CDC40: variants seen among roughly 807,000 people sequenced by gnomAD.
CDC40 encodes the protein cell division cycle 40, also known as pre-mRNA-processing factor 17.
A neutral mutation model predicts 80.6 loss-of-function variants in CDC40; 27 were observed. That is an observed-to-expected ratio of 0.33 (90% confidence interval 0.25 to 0.46). The LOEUF is 0.46. Among genes scored for constraint, CDC40 ranks in the 20% least tolerant of loss-of-function variants. The pLI, the probability that CDC40 is intolerant of heterozygous loss-of-function variation, is 1.00. For synonymous variants in CDC40, 221 were observed against 232.6 expected, an observed-to-expected ratio of 0.95 and a Z score of 0.45; for missense variants, 486 against 694.1, an observed-to-expected ratio of 0.70 and a Z score of 3.37.
At chr6:110,199,210 A>G (rs1258398917) in intron 2 of CDC40, among the ~76,000 whole-genome samples, 1 of 152,196 alleles carries the variant, frequency 6.6e-6, no homozygotes, top group Non-Finnish European at 1.5e-5. Context: ...CTTTCGGTAT[A>G]GTACCTTATA....
At chr6:110,181,166 A>T (rs1777183949) in intron 1 of CDC40, among the ~76,000 whole-genome samples, 1 of 152,268 alleles carries the variant, frequency 6.6e-6, no homozygotes, top group Non-Finnish European at 1.5e-5. Context: ...CAAATAAAGC[A>T]TATAGCACAG....
intron 9 of CDC40, among the ~76,000 whole-genome samples, chr6:110,215,536 A>T (rs560585684): frequency 6.6e-6 from 1 of 152,358 alleles, no homozygotes; most frequent in African/African-American, 2.4e-5. Context: ...AAATGGTGTG[A>T]GACAGCGTGC....
intron 14 of CDC40, 94 bp from the exon 15 acceptor site, chr6:110,229,860 A>T (rs1554209224): frequency 8.4e-6 from 6 of 713,826 alleles, no homozygotes; most frequent in Admixed American, 5.5e-5. Flanking sequence ...TTTTTTTTTA[A>T]TGTTAACGTG....
Position 110,230,862 on chromosome 6 carries a change from A to T in CDC40, c.*731A>T, listed in dbSNP as rs1355353224. The T allele has an allele frequency of 6.6e-6, 1 of 152,236 alleles. No individual in the cohort carries two copies. Among genetic ancestry groups the T allele is most frequent in the East Asian group, 1.9e-4 (1 of 5,194 alleles). The allele number at this position is 152,236 out of a possible 1,614,324, so 9.4% of individuals were successfully genotyped here. On this transcript the variant is annotated 3_prime_UTR_variant, in exon 15 of 15. Transcript: ENST00000307731. ...AGAATGCACCAAGACTTTGAATTGT[A>T]TTTACATTCACTGTCAGTAAAGACC...
chr6:110,185,933 T>C (rs1777263533), intron 1 of CDC40, among the ~76,000 whole-genome samples: 1 of 152,234 alleles, frequency 6.6e-6, no homozygotes, highest in Non-Finnish European at 1.5e-5. Context: ...TTTTAAGTCA[T>C]GCAGTCAGTT....
intron 2 of CDC40, among the ~76,000 whole-genome samples, chr6:110,193,856 G>A (rs975589883): frequency 1.7e-4 from 26 of 152,174 alleles, no homozygotes; most frequent in African/African-American, 4.8e-5. Context: ...TCTTAAATAT[G>A]AACTTAGTTG....
chr6:110,228,876 T>G lies in CDC40; in HGVS notation c.1462T>G (p.Phe488Val), dbSNP rs566883621. ...ATCAATGGACAACCAAATCTTAATT[T>G]TTGGAGCACAGAACAGATTTAGATT... ...CQSMDNQILI[F>V]GAQNRFRLNK... The change falls in exon 14 of 15, where the codon TTT becomes GTT. Residue 488 changes from phenylalanine to valine, a missense_variant. Phe to Val is a conservative substitution (Grantham distance 50). Around this residue, in one of 3 missense-constraint regions of CDC40, gnomAD observed 88 missense variants for 138.7 expected, o/e 0.63. Coordinates refer to ENST00000307731, the MANE Select transcript of CDC40 (RefSeq NM_015891.3). 1 of 1,600,096 alleles carries G rather than the reference T, an allele frequency of 6.2e-7. No individual in the cohort carries two copies. Among genetic ancestry groups the G allele is most frequent in the Non-Finnish European group, 8.5e-7 (1 of 1,175,980 alleles).
intron 6 of CDC40, 148 bp downstream of exon 6, chr6:110,210,951 G>C: frequency 2.9e-6 from 1 of 340,116 alleles, no homozygotes; most frequent in Non-Finnish European, 5.5e-6. Flanking sequence ...TGTATCCCAA[G>C]GAAATTACAG....
In CDC40 at chr6:110,180,470, C is replaced by T. The variant is rs1381535679; in HGVS notation, c.26C>T (p.Ala9Val). 1 of 1,614,180 alleles carries T rather than the reference C, an allele frequency of 6.2e-7. No homozygotes were observed. The highest frequency in any genetic ancestry group is 8.5e-7 in the Non-Finnish European group (1 of 1,180,024). Residue 9 changes from alanine (A) to valine (V), a missense_variant, in exon 1 of 15, where the codon GCC becomes GTC. Physicochemically the swap from Ala to Val is moderately conservative, Grantham distance 64. Transcript: ENST00000307731. MSAAIAAL[A>V]ASYGSGSGSE... ...ATGTCGGCTGCGATTGCAGCTCTGG[C>T]CGCTTCCTATGGTTCGGGTTCAGGG...
At chr6:110,186,777 TTTTTA>T (rs1469353561) in intron 1 of CDC40, among the ~76,000 whole-genome samples, 1 of 150,116 alleles carries the variant, frequency 6.7e-6, no homozygotes, top group African/African-American at 2.5e-5. Flanking sequence ...TGTAGATTTC[TTTTTA>T]TTTTTTCTGT....
Position 110,180,645 on chromosome 6 carries a change from T to C in CDC40, c.189+12T>C, listed in dbSNP as rs983359173. The C allele has an allele frequency of 2.5e-6, 4 of 1,595,836 alleles. No homozygotes were observed. The highest frequency in any genetic ancestry group is 2.2e-5 in the South Asian group (2 of 90,588). ...AGGTGGCAGTTAAGGTAAGCACTTT[T>C]GCTACTAATGCAGTGTGGGAATTGT... On this transcript the variant is annotated intron_variant, in intron 1 of 14. Transcript: ENST00000307731.
At chr6:110,212,513 G>A (rs538215137) in intron 7 of CDC40, among the ~76,000 whole-genome samples, 1 of 152,246 alleles carries the variant, frequency 6.6e-6, no homozygotes, top group South Asian at 2.1e-4. Flanking sequence ...CTGTATCCTT[G>A]TAGCCAGGCC....
chr6:110,228,332 G>A (rs1777891703), intron 13 of CDC40, among the ~76,000 whole-genome samples: 1 of 152,096 alleles, frequency 6.6e-6, no homozygotes, highest in South Asian at 2.1e-4. Context: ...CCTAAGTAGA[G>A]AAAAGCATTG....
intron 8 of CDC40, 60 bp from the exon 9 acceptor site, chr6:110,215,226 T>C (rs1448825623): frequency 2.2e-6 from 3 of 1,353,112 alleles, no homozygotes; most frequent in African/African-American, 2.9e-5. Context: ...GCTGTTGTTA[T>C]TAATTGAAGG....
At chr6:110,228,559 A>G (rs1446374550) in intron 13 of CDC40, among the ~76,000 whole-genome samples, 1 of 151,944 alleles carries the variant, frequency 6.6e-6, no homozygotes, top group African/African-American at 2.4e-5. Flanking sequence ...TAAGCTTGGA[A>G]TTTCTATATT....
At chr6:110,213,247 G>A in intron 8 of CDC40, 87 bp downstream of exon 8, 1 of 873,566 alleles carries the variant, frequency 1.1e-6, no homozygotes, top group South Asian at 1.4e-5. Flanking sequence ...ATTTGGGTTT[G>A]TTAGGCAATT....
chr6:110,188,153 C>T (rs181369857), intron 1 of CDC40, among the ~76,000 whole-genome samples: 1 of 152,246 alleles, frequency 6.6e-6, no homozygotes, highest in African/African-American at 2.4e-5. Context: ...TCATGATACT[C>T]TTCAAAATAA....
At chr6:110,194,339 A>C (rs760286098) in intron 2 of CDC40, among the ~76,000 whole-genome samples, 9 of 152,210 alleles carry the variant, frequency 5.9e-5, no homozygotes, top group Non-Finnish European at 1.0e-4. Flanking sequence ...CTTGGGGGAA[A>C]ATGATGTAAC....
rs1312634955 is a variant in CDC40 at position 110,212,282 on chromosome 6, T to C, written c.867+10T>C. 2.5e-6 allele frequency: 4 copies of C among 1,612,910 alleles called. No homozygotes were observed. Among genetic ancestry groups the C allele is most frequent in the Non-Finnish European group, 3.4e-6 (4 of 1,179,638 alleles). ...GTCTGGACACACAAAGGTAAGCAAGTTGGTTGTTTCTGTTTGCTGTAATGT... is the reference window on the plus strand; with the variant it reads ...GTCTGGACACACAAAGGTAAGCAAGCTGGTTGTTTCTGTTTGCTGTAATGT... On this transcript the variant is annotated intron_variant, in intron 7 of 14. Transcript: ENST00000307731.
Sources: gnomAD v4.1 joint callset for allele counts (sites outside exome capture counted in the v4.1 genomes callset) on GRCh38, gnomAD v4.1.1 for gene constraint, gnomAD v4.1.1 regional missense constraint, MANE v1.5 for transcripts, NCBI Gene and HGNC (gene_info 2026-07-23, HGNC 2026-07-21) for gene names.